The following PHLPP1 variants were observed in gnomAD, a reference collection of about 807,000 sequenced individuals.
The protein encoded by PHLPP1 is PH domain and leucine rich repeat protein phosphatase 1.
A neutral mutation model predicts 117.2 loss-of-function variants in PHLPP1; 42 were observed. The ratio of observed to expected loss-of-function variants is 0.36; its 90% CI spans 0.28 to 0.46. PHLPP1 has a LOEUF of 0.46. Ranked by LOEUF, PHLPP1 falls within the 20% of genes least tolerant of loss-of-function variation. The probability of loss-of-function intolerance (pLI) is 1.00; values close to 1 mark genes in which losing one functional copy is unlikely to be tolerated. For synonymous variants in PHLPP1, 1,042 were observed against 970.7 expected (o/e 1.07, Z -1.37); for missense variants, 2,084 against 2,241.9 (o/e 0.93, Z 1.42).
At chr18:62,801,009 TTCCCTCCCTCCCTCCCTCCCTCCCTCC>T (rs1913762082) in intron 1 of PHLPP1, among the ~76,000 whole-genome samples, 9 of 26,714 alleles carry the variant, frequency 3.4e-4, no homozygotes, top group African/African-American at 1.4e-3. Flanking sequence ...CCTTGCTTCC[TTCCCTCCCTCCCTCCCTCCCTCCCTCC>T]CTCCCTCCCT....
At chr18:62,895,414 G>A (rs910882278) in intron 5 of PHLPP1, among the ~76,000 whole-genome samples, 3 of 152,142 alleles carry the variant, frequency 2.0e-5, no homozygotes, top group Admixed American at 1.3e-4. Flanking sequence ...CATGGAATGT[G>A]GGTTATGTTC....
intron 4 of PHLPP1, among the ~76,000 whole-genome samples, chr18:62,874,835 A>T (rs114504305): frequency 3.9e-4 from 59 of 152,336 alleles, no homozygotes; most frequent in African/African-American, 1.1e-3. Context: ...AACTTCACAC[A>T]GACAGCGATC....
Position 62,741,460 on chromosome 18 carries a change from G to A in PHLPP1, c.1576+24201G>A, listed in dbSNP as rs189910871. On this transcript the variant is annotated intron_variant, in intron 1 of 16. Coordinates refer to ENST00000262719, the MANE Select transcript of PHLPP1 (RefSeq NM_194449.4). ...GGCTGGGGGAAAAGATGAGTCACCA[G>A]ATCCTCTGCCTTTTCAGAAGCTTAA... is the stretch of plus-strand genomic sequence containing the variant. Among the ~76,000 whole-genome samples the A allele has an allele frequency of 9.2e-5, 14 of 152,208 alleles. No homozygotes were observed. The East Asian group carries it at 2.5e-3, about 27-fold the overall frequency.
intron 4 of PHLPP1, among the ~76,000 whole-genome samples, chr18:62,892,082 CTTTTTTT>C (rs200141250): frequency 4.2e-4 from 45 of 107,960 alleles, no homozygotes; most frequent in African/African-American, 1.6e-3. Context: ...TTCTTTCTTT[CTTTTTTT>C]TTTTTTTTTT....
At chr18:62,975,321 C>A in intron 15 of PHLPP1, 76 bp from the exon 16 acceptor site, 2 of 935,596 alleles carry the variant, frequency 2.1e-6, no homozygotes, top group Non-Finnish European at 3.5e-6. Flanking sequence ...TCCAGTGGTG[C>A]GGTCTTGCTG....
chr18:62,929,705 T>C (rs1489619507), intron 10 of PHLPP1, among the ~76,000 whole-genome samples: 1 of 152,180 alleles, frequency 6.6e-6, no homozygotes, highest in Non-Finnish European at 1.5e-5. Flanking sequence ...CCTAGCACTT[T>C]GGGAGGCCAA....
intron 1 of PHLPP1, among the ~76,000 whole-genome samples, chr18:62,789,572 T>C (rs1913397444): frequency 6.6e-6 from 1 of 152,144 alleles, no homozygotes. Context: ...GGGTGGGGAC[T>C]GACTCCCTCC....
chr18:62,871,792 G>A (rs575154954), intron 4 of PHLPP1, among the ~76,000 whole-genome samples: 21 of 151,734 alleles, frequency 1.4e-4, no homozygotes, highest in African/African-American at 2.9e-4. Flanking sequence ...TTACAGGCAC[G>A]CGCCACCACG....
At chr18:62,943,660 T>C (rs376328568) in intron 11 of PHLPP1, among the ~76,000 whole-genome samples, 4 of 152,206 alleles carry the variant, frequency 2.6e-5, no homozygotes, top group African/African-American at 9.6e-5. Context: ...GCGTGTGAAT[T>C]CTCTGATTAC....
chr18:62,819,434 A>T (rs904387379), intron 1 of PHLPP1, among the ~76,000 whole-genome samples: 2 of 152,238 alleles, frequency 1.3e-5, no homozygotes, highest in Non-Finnish European at 2.9e-5. Flanking sequence ...GGAATCAGTT[A>T]ATACAAAACA....
intron 1 of PHLPP1, among the ~76,000 whole-genome samples, chr18:62,729,258 G>A (rs1217306871): frequency 6.6e-6 from 1 of 152,200 alleles, no homozygotes; most frequent in Non-Finnish European, 1.5e-5. Context: ...GGCTTTATAA[G>A]ATTCTGTGTG....
At chr18:62,805,700 CTTTTAG>C (rs1353218692) in intron 1 of PHLPP1, among the ~76,000 whole-genome samples, 1 of 152,046 alleles carries the variant, frequency 6.6e-6, no homozygotes, top group African/African-American at 2.4e-5. Flanking sequence ...ATGGCATACA[CTTTTAG>C]TTTTAATGTA....
At chr18:62,924,678 A>AGG (rs1568163330) in intron 10 of PHLPP1, among the ~76,000 whole-genome samples, 1 of 114,622 alleles carries the variant, frequency 8.7e-6, no homozygotes, top group Non-Finnish European at 1.8e-5. Flanking sequence ...TACAAATTGA[A>AGG]AAAAAAAAAA....
intron 1 of PHLPP1, among the ~76,000 whole-genome samples, chr18:62,815,163 CTT>C (rs397858926): frequency 1.4e-4 from 19 of 136,838 alleles, no homozygotes; most frequent in Admixed American, 2.9e-4. Context: ...TTTTTTTCCT[CTT>C]TTTTTTTTTT....
intron 1 of PHLPP1, among the ~76,000 whole-genome samples, chr18:62,798,119 A>G (rs548319241): frequency 1.1e-4 from 16 of 152,328 alleles, no homozygotes; most frequent in Admixed American, 2.6e-4. Context: ...GAAGGCTCAT[A>G]AAAGCCCAGG....
At chr18:62,771,049 A>G (rs182810303) in intron 1 of PHLPP1, among the ~76,000 whole-genome samples, 1 of 152,088 alleles carries the variant, frequency 6.6e-6, no homozygotes, top group African/African-American at 2.4e-5. Flanking sequence ...ACCTATCTAT[A>G]CTAAAAATAC....
At position 62,783,218 on chromosome 18, in the gene PHLPP1, C is replaced by CTT. The variant is rs528614480; in HGVS notation, c.1577-46808_1577-46807dup. Among the ~76,000 whole-genome samples, 28 of 132,134 alleles carry CTT rather than the reference C, an allele frequency of 2.1e-4. 1 individual carries two copies. Among genetic ancestry groups the CTT allele is most frequent in the African/African-American group, 6.1e-4 (22 of 36,212 alleles). 86.7% of individuals were successfully genotyped at this position (132,134 alleles called of 152,430 possible). ...TTGATTCTGCTCCCCACAAGCCTTT[C>CTT]TTTTTTTTTTCTTTTTTTTTTTTTT... On this transcript the variant is annotated intron_variant, in intron 1 of 16. Coordinates refer to ENST00000262719, the MANE Select transcript of PHLPP1 (RefSeq NM_194449.4).
rs1718668057 is a variant in PHLPP1, at chr18:62,830,177, T to C, written c.1719T>C (p.Ser573=). ...ILCGTCLIVS[S]VKDSLTGKMH... ...GTGGGACCTGCCTGATAGTATCATC[T>C]GTGAAAGACAGCTTGACCGGAAAGA... The change falls in exon 2 of 17, where the codon TCT becomes TCC. Residue 573 remains serine, a synonymous_variant. Coordinates refer to ENST00000262719, the MANE Select transcript of PHLPP1 (RefSeq NM_194449.4). 1 of 1,589,754 alleles carries C rather than the reference T, an allele frequency of 6.3e-7. No individual in the cohort carries two copies. The highest frequency in any genetic ancestry group is 1.3e-5 in the African/African-American group (1 of 74,474).
At chr18:62,862,748 AC>A (rs1915663952) in intron 4 of PHLPP1, among the ~76,000 whole-genome samples, 1 of 152,320 alleles carries the variant, frequency 6.6e-6, no homozygotes, top group African/African-American at 2.4e-5. Context: ...CTATTTTATC[AC>A]CCAGAAAATT....
Sources: allele counts gnomAD v4.1 joint callset (sites outside exome capture counted in the v4.1 genomes callset), GRCh38; gene constraint gnomAD v4.1.1; transcripts MANE v1.5; gene names NCBI Gene and HGNC (gene_info 2026-07-23, HGNC 2026-07-21).